The following ROBO2 variants were observed in gnomAD, a reference collection of about 807,000 sequenced individuals.
The protein encoded by ROBO2 is roundabout homolog 2.
In ROBO2, 53 loss-of-function variants were observed where a neutral mutation model predicts 160.8. The observed-to-expected ratio is 0.33, with a 90% confidence interval of 0.26 to 0.41. ROBO2 has a LOEUF of 0.41. Ranked by LOEUF, ROBO2 falls within the 10% of genes least tolerant of loss-of-function variation. The pLI is 1.00. For synonymous variants in ROBO2, 664 were observed against 611.7 expected (o/e 1.09, Z -1.26); for missense variants, 1,577 against 1,722.4 (o/e 0.92, Z 1.49).
At chr3:76,536,123 G>A (rs2082487842) in intron 2 of ROBO2, among the ~76,000 whole-genome samples, 3 of 152,188 alleles carry the variant, frequency 2.0e-5, no homozygotes. Flanking sequence ...AAGGTCCTGG[G>A]AGAGGAGGTC....
chr3:76,714,541 ATGT>A (rs1263421883), intron 2 of ROBO2, among the ~76,000 whole-genome samples: 1 of 152,194 alleles, frequency 6.6e-6, no homozygotes, highest in African/African-American at 2.4e-5. Flanking sequence ...TTTGTGGAAA[ATGT>A]TGTATATCCA....
chr3:77,233,464 C>T (rs551953877), intron 2 of ROBO2, among the ~76,000 whole-genome samples: 2 of 152,184 alleles, frequency 1.3e-5, no homozygotes, highest in African/African-American at 4.8e-5. Flanking sequence ...CATCTGCTTC[C>T]TAGGCTTTCT....
chr3:76,157,868 G>T (rs146377164), intron 2 of ROBO2, among the ~76,000 whole-genome samples: 25 of 151,898 alleles, frequency 1.6e-4, no homozygotes, highest in African/African-American at 3.4e-4. Context: ...ATTTCACTGT[G>T]TACCAGAATG....
chr3:76,880,541 T>A (rs1255536580), intron 2 of ROBO2, among the ~76,000 whole-genome samples: 6 of 152,184 alleles, frequency 3.9e-5, no homozygotes, highest in Admixed American at 6.5e-5. Flanking sequence ...CATTTATAAC[T>A]AGTTCATTAG....
intron 4 of ROBO2, among the ~76,000 whole-genome samples, chr3:77,492,107 A>G (rs1046264432): frequency 1.3e-5 from 2 of 152,182 alleles, no homozygotes; most frequent in African/African-American, 4.8e-5. Flanking sequence ...TTTGAAACTC[A>G]AGTTCTAAGT....
chr3:76,693,808 G>T (rs1343920049), intron 2 of ROBO2, among the ~76,000 whole-genome samples: 1 of 152,172 alleles, frequency 6.6e-6, no homozygotes, highest in Non-Finnish European at 1.5e-5. Context: ...AAGAGAGAGA[G>T]AATTTATCTT....
At chr3:76,882,946 C>G (rs1023033976) in intron 2 of ROBO2, among the ~76,000 whole-genome samples, 1 of 152,130 alleles carries the variant, frequency 6.6e-6, no homozygotes, top group Non-Finnish European at 1.5e-5. Context: ...TTTCCATTAT[C>G]AGTTTGTTTT....
chr3:76,462,041 T>C (rs894733110), intron 2 of ROBO2, among the ~76,000 whole-genome samples: 1 of 152,130 alleles, frequency 6.6e-6, no homozygotes, highest in Non-Finnish European at 1.5e-5. Context: ...ACATCTAAAC[T>C]CCTGAGTACA....
chr3:77,246,899 T>C (rs2089791487), intron 2 of ROBO2, among the ~76,000 whole-genome samples: 1 of 152,076 alleles, frequency 6.6e-6, no homozygotes, highest in African/African-American at 2.4e-5. Flanking sequence ...AACAGGAAAA[T>C]TTATTGGCTA....
At chr3:77,457,324 C>T (rs757698081) in intron 2 of ROBO2, among the ~76,000 whole-genome samples, 8 of 152,030 alleles carry the variant, frequency 5.3e-5, no homozygotes, top group Non-Finnish European at 1.2e-4. Context: ...TCTGTGAGCT[C>T]TTTTAGTTTT....
rs186650155 is a variant in ROBO2 at position 76,635,248 on chromosome 3, A to T, written c.110-462766A>T. On this transcript the variant is annotated intron_variant, in intron 2 of 26. Transcript: ENST00000487694. ...CTGTCTGGCTCTTGACTGAGTTTAC[A>T]TCTTCAGCTTCCCTAATTCTGTGAA... is the stretch of plus-strand genomic sequence containing the variant. 6.6e-5 allele frequency among the ~76,000 whole-genome samples: 10 copies of T among 152,296 alleles called. No individual in the cohort carries two copies. The East Asian group carries it at 1.9e-3, about 29-fold the overall frequency.
chr3:76,161,046 A>C (rs185014983), intron 2 of ROBO2, among the ~76,000 whole-genome samples: 4 of 152,264 alleles, frequency 2.6e-5, no homozygotes, highest in Non-Finnish European at 5.9e-5. Flanking sequence ...AGGAAAACAC[A>C]CTAAAGCTTG....
chr3:77,033,566 G>A (rs959320534), intron 2 of ROBO2, among the ~76,000 whole-genome samples: 1 of 151,982 alleles, frequency 6.6e-6, no homozygotes, highest in South Asian at 2.1e-4. Flanking sequence ...CAGTTATAGA[G>A]GCAAGCTAAA....
chr3:76,785,391 A>C (rs1477632107), intron 2 of ROBO2, among the ~76,000 whole-genome samples: 2 of 151,144 alleles, frequency 1.3e-5, no homozygotes, highest in African/African-American at 4.8e-5. Flanking sequence ...GGTGCTAGGA[A>C]AGCTTGGTCC....
At chr3:76,374,892 A>G (rs1171715207) in intron 2 of ROBO2, among the ~76,000 whole-genome samples, 1 of 151,372 alleles carries the variant, frequency 6.6e-6, no homozygotes, top group Admixed American at 6.6e-5. Flanking sequence ...AGCATTCACC[A>G]TACTTTTAGC....
At chr3:76,723,332 T>C (rs1238346747) in intron 2 of ROBO2, among the ~76,000 whole-genome samples, 1 of 152,234 alleles carries the variant, frequency 6.6e-6, no homozygotes, top group Non-Finnish European at 1.5e-5. Context: ...GAGTTCCTTT[T>C]ATATACATAG....
At chr3:77,162,669 A>G (rs1423423210) in intron 2 of ROBO2, among the ~76,000 whole-genome samples, 1 of 152,184 alleles carries the variant, frequency 6.6e-6, no homozygotes, top group Admixed American at 6.5e-5. Context: ...TTATGAATCA[A>G]ATAACGTATG....
intron 1 of ROBO2, among the ~76,000 whole-genome samples, chr3:77,078,565 T>C (rs1284308403): frequency 6.6e-6 from 1 of 152,196 alleles, no homozygotes; most frequent in Non-Finnish European, 1.5e-5. Context: ...AAGTGCGGTT[T>C]GCATGTCTGA....
At chr3:76,827,136 G>A (rs1465693870) in intron 2 of ROBO2, among the ~76,000 whole-genome samples, 1 of 152,134 alleles carries the variant, frequency 6.6e-6, no homozygotes, top group African/African-American at 2.4e-5. Flanking sequence ...TAAATCACAA[G>A]AGATTTGGAC....
Sources: gnomAD v4.1 joint callset for allele counts (sites outside exome capture counted in the v4.1 genomes callset) on GRCh38, gnomAD v4.1.1 for gene constraint, MANE v1.5 for transcripts, NCBI Gene and HGNC (gene_info 2026-07-23, HGNC 2026-07-21) for gene names.